The following SPDYE17 variants were observed in gnomAD, a reference collection of about 807,000 sequenced individuals.
SPDYE17 encodes the protein speedy protein E17.
For synonymous variants in SPDYE17, 4 were observed against 14.8 expected (o/e 0.27, Z 1.68); for missense variants, 7 against 38.0 (o/e 0.18, Z 2.15).
At position 77,023,698 on chromosome 7, in the gene SPDYE17, A is replaced by C. The variant is rs1305889698; in HGVS notation, c.*135T>G. On this transcript the variant is annotated 3_prime_UTR_variant, in exon 8 of 8. Coordinates refer to ENST00000671986, the MANE Select transcript of SPDYE17 (RefSeq NM_001351351.3). ...CCAGGTTCTTCTAGATGATCTGCACAAATGGTTCCTCTCCTCCTTCCTGAT... is the reference window on the plus strand; with the variant it reads ...CCAGGTTCTTCTAGATGATCTGCACCAATGGTTCCTCTCCTCCTTCCTGAT... 40 of 468,636 alleles carry C rather than the reference A, an allele frequency of 8.5e-5. 15 individuals are homozygous for C. Among genetic ancestry groups the C allele is most frequent in the South Asian group, 4.6e-4 (15 of 32,386 alleles). The allele number at this position is 468,636 out of a possible 1,614,324, so 29.0% of individuals were successfully genotyped here.
At chr7:77,026,642 G>A (rs1168184500) in intron 5 of SPDYE17, among the ~76,000 whole-genome samples, 187 bp downstream of exon 5, 1 of 136,284 alleles carries the variant, frequency 7.3e-6, no homozygotes, top group East Asian at 2.5e-4. Context: ...CCTTAGGAGC[G>A]GTTCATGGTT....
In SPDYE17 at chr7:77,028,209, A is replaced by G. The variant is rs1789466098; in HGVS notation, c.350-9T>C. On this transcript the variant is annotated splice_polypyrimidine_tract_variant and intron_variant, in intron 3 of 7. Transcript: ENST00000671986. Reference sequence around the variant, plus strand: ...TTTAATGACAGGATCCTCTGTGATTAGAGAGCAGATGTCAGTGTGAGAAGC... The same window carrying G: ...TTTAATGACAGGATCCTCTGTGATTGGAGAGCAGATGTCAGTGTGAGAAGC... The G allele has an allele frequency of 1.6e-6, 2 of 1,239,848 alleles. 1 individual carries two copies. The highest frequency in any genetic ancestry group is 9.5e-5 in the East Asian group (2 of 21,106). 76.8% of individuals were successfully genotyped at this position (1,239,848 alleles called of 1,614,324 possible). A position where few individuals can be genotyped will look rare whatever the true frequency, so the allele number is the denominator to read the frequency against.
At chr7:77,026,611 C>T (rs1789437760) in intron 5 of SPDYE17, among the ~76,000 whole-genome samples, 1 of 147,140 alleles carries the variant, frequency 6.8e-6, no homozygotes, top group Admixed American at 7.1e-5. Flanking sequence ...CATGTCCGCT[C>T]CTCCGCTCCT....
intron 2 of SPDYE17, among the ~76,000 whole-genome samples, chr7:77,030,080 CTTT>C (rs761251656): frequency 6.6e-5 from 3 of 45,312 alleles, no homozygotes; most frequent in African/African-American, 2.1e-4. Flanking sequence ...TTTGTTTCTT[CTTT>C]TTTTTTTTTT....
At chr7:77,025,920 G>A (rs1789424376) in intron 5 of SPDYE17, among the ~76,000 whole-genome samples, 1 of 143,300 alleles carries the variant, frequency 7.0e-6, no homozygotes, top group African/African-American at 2.6e-5. Flanking sequence ...GACAGGGCAA[G>A]TCTGTCTCAA....
At position 77,025,414 on chromosome 7, in the gene SPDYE17, A is replaced by G. The variant is rs1425026166; in HGVS notation, c.495-303T>C. On this transcript the variant is annotated intron_variant, in intron 5 of 7. Transcript: ENST00000671986. ...TCACTTGAGGCCAGGAGTTTGAGAC[A>G]GGCCTGGGCAACATAGCAAGACCCT... 9 of 172,378 alleles carry G rather than the reference A, an allele frequency of 5.2e-5. 2 individuals are homozygous for G. The highest frequency in any genetic ancestry group is 6.0e-4 in the East Asian group (2 of 3,332). The allele number at this position is 172,378 out of a possible 1,614,324, so 10.7% of individuals were successfully genotyped here. A position where few individuals can be genotyped will look rare whatever the true frequency, so the allele number is the denominator to read the frequency against.
At chr7:77,030,179 G>T (rs1789488655) in intron 2 of SPDYE17, among the ~76,000 whole-genome samples, 2 of 52,876 alleles carry the variant, frequency 3.8e-5, no homozygotes, top group African/African-American at 1.3e-4. Context: ...TTCCTCCCAG[G>T]CTCAAGTGAT....
At chr7:77,025,587 A>G (rs1789418037) in intron 5 of SPDYE17, 2 of 125,358 alleles carry the variant, frequency 1.6e-5, no homozygotes, top group South Asian at 6.2e-4. Context: ...TATACTAAAA[A>G]TACAAAAATC....
At chr7:77,026,473 G>T (rs1789434329) in intron 5 of SPDYE17, among the ~76,000 whole-genome samples, 1 of 149,528 alleles carries the variant, frequency 6.7e-6, no homozygotes, top group African/African-American at 2.5e-5. Context: ...GTGGATTCGA[G>T]TGATGCAAGG....
chr7:77,030,083 T>C lies in SPDYE17; in HGVS notation c.130+358A>G, dbSNP rs1354646333. The stretch of plus-strand genomic sequence containing the variant: ...TCTGACCCTTCTTTTGTTTCTTCTT[T>C]TTTTTTTTTTTTTTTTTTGAGATAG... On this transcript the variant is annotated intron_variant, in intron 2 of 7. Coordinates refer to ENST00000671986, the MANE Select transcript of SPDYE17 (RefSeq NM_001351351.3). Among the ~76,000 whole-genome samples the C allele has an allele frequency of 2.4e-4, 18 of 74,416 alleles. 4 individuals carry two copies. The highest frequency in any genetic ancestry group is 6.1e-4 in the South Asian group (1 of 1,652). 48.8% of individuals were successfully genotyped at this position (74,416 alleles called of 152,430 possible).
chr7:77,022,852 AAAT>A lies in SPDYE17; in HGVS notation c.*978_*980del, dbSNP rs1224927646. Among the ~76,000 whole-genome samples, 263 of 115,344 alleles carry A rather than the reference AAAT, an allele frequency of 2.3e-3. No homozygotes were observed. Among genetic ancestry groups the A allele is most frequent in the African/African-American group, 7.5e-3 (254 of 34,038 alleles). The allele number at this position is 115,344 out of a possible 152,430, so 75.7% of individuals were successfully genotyped here. ...TATTTAATAAATATTTCAATAAATA[AAAT>A]AATATTTAAATAATTCTGTACCCAT... On this transcript the variant is annotated 3_prime_UTR_variant, in exon 8 of 8. Transcript: ENST00000671986.
At chr7:77,025,867 G>A (rs1325111993) in intron 5 of SPDYE17, 15 of 146,004 alleles carry the variant, frequency 1.0e-4, no homozygotes, top group Non-Finnish European at 2.1e-4. Context: ...GGATATGGAG[G>A]CTGCAGTGAG....
intron 5 of SPDYE17, among the ~76,000 whole-genome samples, chr7:77,025,963 T>C (rs931423030): frequency 7.1e-6 from 1 of 140,454 alleles, no homozygotes; most frequent in Non-Finnish European, 1.5e-5. Flanking sequence ...ACTGATATTT[T>C]GCCAGGACCC....
Position 77,029,259 on chromosome 7 carries a change from T to A in SPDYE17, c.323A>T (p.Tyr108Phe). 1 of 76,688 alleles carries A rather than the reference T, an allele frequency of 1.3e-5. No individual in the cohort carries two copies. Among genetic ancestry groups the A allele is most frequent in the Admixed American group, 2.8e-4 (1 of 3,556 alleles). 4.8% of individuals were successfully genotyped at this position (76,688 alleles called of 1,614,324 possible). ...RRRVSLVLPE[Y>F]YEAFNRLLED... ...AAGCAGCCTGTTGAAGGCCTCGTAG[T>A]ACTCAGGGAGCACGAGCGACACTCG... Residue 108 changes from tyrosine (Y) to phenylalanine (F), a missense_variant, in exon 3 of 8, where the codon TAC (tyrosine) becomes TTC (phenylalanine). By Grantham distance (22) the Tyr-to-Phe change is conservative. Transcript: ENST00000671986.
intron 1 of SPDYE17, among the ~76,000 whole-genome samples, chr7:77,031,987 T>A (rs1789496104): frequency 1.8e-5 from 1 of 54,930 alleles, no homozygotes; most frequent in South Asian, 7.6e-4. Flanking sequence ...AGCAGGTGGA[T>A]CGCTTGAGGT....
intron 5 of SPDYE17, chr7:77,025,636 CAGG>C (rs1318001105): frequency 8.0e-6 from 1 of 124,430 alleles, no homozygotes; most frequent in Non-Finnish European, 1.6e-5. Context: ...CCTAGCTACT[CAGG>C]AGGCTGAAGC....
Position 77,032,222 on chromosome 7 carries a change from A to AAC in SPDYE17, c.-454+17_-454+18insGT, listed in dbSNP as rs1554337098. The stretch of plus-strand genomic sequence containing the variant: ...CAAAACTACATCTCAAAAAAAAAAA[A>AAC]AAACAAACAAAAAGAACCTGTGGAT... On this transcript the variant is annotated intron_variant, in intron 1 of 7. Transcript: ENST00000671986. Among the ~76,000 whole-genome samples the AAC allele has an allele frequency of 5.9e-5, 7 of 119,294 alleles. No homozygotes were observed. Among genetic ancestry groups the AAC allele is most frequent in the African/African-American group, 1.9e-4 (6 of 31,156 alleles). The allele number at this position is 119,294 out of a possible 152,430, so 78.3% of individuals were successfully genotyped here. A position where few individuals can be genotyped will look rare whatever the true frequency, so the allele number is the denominator to read the frequency against.
chr7:77,027,106 G>C lies in SPDYE17; in HGVS notation c.409-192C>G, dbSNP rs1442585937. ...AGGTCGGATGCAAATCCGAGAAGCCGGAGGAAGGGTTTTCGGTGATGCTCC... is the reference window on the plus strand; with the variant it reads ...AGGTCGGATGCAAATCCGAGAAGCCCGAGGAAGGGTTTTCGGTGATGCTCC... On this transcript the variant is annotated intron_variant, in intron 4 of 7. Coordinates refer to ENST00000671986, the MANE Select transcript of SPDYE17 (RefSeq NM_001351351.3). Among the ~76,000 whole-genome samples the C allele has an allele frequency of 1.7e-5, 2 of 117,778 alleles. 1 individual carries two copies. Among genetic ancestry groups the C allele is most frequent in the Non-Finnish European group, 3.4e-5 (2 of 58,156 alleles). 77.3% of individuals were successfully genotyped at this position (117,778 alleles called of 152,430 possible).
rs1247614233 is a variant in SPDYE17, at chr7:77,028,527, TCA to T, written c.350-329_350-328del. ...TTCCCATCATTTCCTCATGAGACAGTCACACATCAGGGTGTGACCATGGCCTT... is the reference window on the plus strand; with the variant it reads ...TTCCCATCATTTCCTCATGAGACAGTCACATCAGGGTGTGACCATGGCCTT... On this transcript the variant is annotated intron_variant, in intron 3 of 7. Transcript: ENST00000671986. 7.0e-3 allele frequency among the ~76,000 whole-genome samples: 173 copies of T among 24,788 alleles called. 22 individuals are homozygous for T. Among genetic ancestry groups the T allele is most frequent in the African/African-American group, 0.053 (156 of 2,928 alleles). 16.3% of individuals were successfully genotyped at this position (24,788 alleles called of 152,430 possible).
Sources: gnomAD v4.1 joint callset for allele counts (sites outside exome capture counted in the v4.1 genomes callset) on GRCh38, gnomAD v4.1.1 for gene constraint, MANE v1.5 for transcripts, NCBI Gene and HGNC (gene_info 2026-07-23, HGNC 2026-07-21) for gene names.